CRYBB2: variants seen among roughly 807,000 people sequenced by gnomAD.
CRYBB2 encodes crystallin beta B2, also known as beta-crystallin B2.
A neutral mutation model predicts 24.3 loss-of-function variants in CRYBB2; 12 were observed. The observed-to-expected ratio is 0.49, with a 90% CI of 0.32 to 0.80. The LOEUF is 0.80. Among genes scored for constraint, CRYBB2 ranks in the 30% least tolerant of loss-of-function variants. CRYBB2 has a pLI of 0.04. For missense variants in CRYBB2, 198 were observed against 268.5 expected, an observed-to-expected ratio of 0.74 and a Z score of 1.83; for synonymous variants, 98 against 101.6, an observed-to-expected ratio of 0.96 and a Z score of 0.21.
chr22:25,217,427 C>T (rs2146082558), upstream of CRYBB2, among the ~76,000 whole-genome samples: 1 of 152,316 alleles, frequency 6.6e-6, no homozygotes, highest in African/African-American at 2.4e-5. Context: ...AAGTGATTCT[C>T]CTGCCTCAGC....
At chr22:25,217,478 C>T (rs4822580), upstream of CRYBB2, among the ~76,000 whole-genome samples, 68,934 of 151,864 alleles carry the variant, frequency 0.45, 16,307 homozygotes, top group East Asian at 0.83. Context: ...CCACCATGCC[C>T]GGCTAATTTT....
chr22:25,212,194 A>G (rs1935114660), upstream of CRYBB2, among the ~76,000 whole-genome samples: 1 of 152,250 alleles, frequency 6.6e-6, no homozygotes, highest in Admixed American at 6.5e-5. Context: ...TTCCAGACAC[A>G]GGATGCTGAA....
At chr22:25,230,963 C>T (rs1287135951) in intron 5 of CRYBB2, among the ~76,000 whole-genome samples, 3 of 152,016 alleles carry the variant, frequency 2.0e-5, no homozygotes, top group Admixed American at 6.6e-5. Flanking sequence ...GTGCAAAGGC[C>T]CTGTGGTGTG....
Position 25,227,795 on chromosome 22 carries a change from G to T in CRYBB2, c.174-58G>T, listed in dbSNP as rs550444264. 123 of 1,612,734 alleles carry T rather than the reference G, an allele frequency of 7.6e-5. 1 individual carries two copies. The South Asian group carries it at 1.3e-3, about 17-fold the overall frequency. ...GGTCAACATCAGTAGCCAGGATTCT[G>T]CCATAGGAAGCTTGGAGTGGAACTG... On this transcript the variant is annotated intron_variant, in intron 3 of 5. Coordinates refer to ENST00000398215, the MANE Select transcript of CRYBB2 (RefSeq NM_000496.3).
chr22:25,223,574 G>C (rs903357142), intron 2 of CRYBB2, among the ~76,000 whole-genome samples: 3 of 152,214 alleles, frequency 2.0e-5, no homozygotes, highest in African/African-American at 7.2e-5. Context: ...GGCCGAGTCA[G>C]TGACCGTAAA....
At chr22:25,223,869 T>C (rs9612893) in intron 2 of CRYBB2, among the ~76,000 whole-genome samples, 40,612 of 151,860 alleles carry the variant, frequency 0.27, 5,740 homozygotes, top group Middle Eastern at 0.34. Context: ...GCCTGTAATC[T>C]CAACACTTTG....
intron 3 of CRYBB2, among the ~76,000 whole-genome samples, chr22:25,227,000 A>G (rs557042240): frequency 2.0e-5 from 3 of 152,314 alleles, no homozygotes; most frequent in South Asian, 2.1e-4. Context: ...TTAAGGACCA[A>G]TTGCCTAAAG....
chr22:25,226,174 G>C (rs1466009973), intron 3 of CRYBB2, among the ~76,000 whole-genome samples: 514 of 38,818 alleles, frequency 0.013, 4 homozygotes, highest in African/African-American at 0.033. Flanking sequence ...TTCTCTGTGT[G>C]TGTGTGTGTG....
Position 25,224,997 on chromosome 22 carries a change from G to A in CRYBB2, c.134G>A (p.Gly45Asp). 1 of 1,613,082 alleles carries A rather than the reference G, an allele frequency of 6.2e-7. No individual in the cohort carries two copies. Among genetic ancestry groups the A allele is most frequent in the Non-Finnish European group, 8.5e-7 (1 of 1,178,990 alleles). Residue 45 changes from glycine to aspartate, a missense_variant, in exon 3 of 6, where the codon GGC (glycine) becomes GAC (aspartate). Coordinates refer to ENST00000398215, the MANE Select transcript of CRYBB2 (RefSeq NM_000496.3). ...NGPCPNLKET[G>D]VEKAGSVLVQ... ...CCCTGCCCCAACCTGAAGGAAACTG[G>A]CGTGGAGAAGGCAGGTTCTGTCCTA...
chr22:25,221,284 G>A, intron 1 of CRYBB2, 120 bp from the exon 2 acceptor site: 1 of 718,448 alleles, frequency 1.4e-6, no homozygotes, highest in South Asian at 1.5e-5. Context: ...CTCTGGGACA[G>A]TCTGAAACCA....
rs766707046 is a variant in CRYBB2, at chr22:25,221,421, C to T, written c.-9C>T. The T allele has an allele frequency of 6.2e-7, 1 of 1,612,848 alleles. No individual in the cohort carries two copies. The highest frequency in any genetic ancestry group is 8.5e-7 in the Non-Finnish European group (1 of 1,178,844). Reference sequence around the variant, plus strand: ...TCTTCCAGGTCATTCCTGCACAGGACAGTCCACCATGGCCTCAGATCACCA... The same window carrying T: ...TCTTCCAGGTCATTCCTGCACAGGATAGTCCACCATGGCCTCAGATCACCA... On this transcript the variant is annotated 5_prime_UTR_variant, in exon 2 of 6. Transcript: ENST00000398215.
upstream of CRYBB2, among the ~76,000 whole-genome samples, chr22:25,211,945 G>C (rs1935111668): frequency 6.6e-6 from 1 of 152,222 alleles, no homozygotes; most frequent in Non-Finnish European, 1.5e-5. Context: ...ACCACTCACT[G>C]TTTGCCTTTG....
At chr22:25,218,724 G>GAA (rs1569015882), upstream of CRYBB2, among the ~76,000 whole-genome samples, 15 of 116,876 alleles carry the variant, frequency 1.3e-4, no homozygotes, top group Admixed American at 4.6e-4. Flanking sequence ...GAGAGAGAGA[G>GAA]AGAGAGAGAG....
chr22:25,231,086 G>A (rs1361565632), intron 5 of CRYBB2, among the ~76,000 whole-genome samples: 2 of 152,192 alleles, frequency 1.3e-5, no homozygotes, highest in Non-Finnish European at 2.9e-5. Flanking sequence ...ACAGAAACTG[G>A]CCAGGCAGGT....
rs982002231 is a variant in CRYBB2, at chr22:25,221,409, T to C, written c.-21T>C. On this transcript the variant is annotated 5_prime_UTR_variant, in exon 2 of 6. Transcript: ENST00000398215. ...CTGCTTCCCATGTCTTCCAGGTCAT[T>C]CCTGCACAGGACAGTCCACCATGGC... The C allele has an allele frequency of 3.7e-6, 6 of 1,611,360 alleles. No homozygotes were observed. The highest frequency in any genetic ancestry group is 5.1e-6 in the Non-Finnish European group (6 of 1,177,526).
chr22:25,213,343 T>C (rs1398014966), intron 1 of CRYBB2: 1 of 152,104 alleles, frequency 6.6e-6, no homozygotes, highest in Non-Finnish European at 1.5e-5. Flanking sequence ...AGCAAGAAGA[T>C]GAAGTGGAGA....
chr22:25,221,112 G>A (rs1218225920), intron 1 of CRYBB2, among the ~76,000 whole-genome samples: 2 of 152,206 alleles, frequency 1.3e-5, no homozygotes, highest in Non-Finnish European at 2.9e-5. Context: ...ATTGTCTGGG[G>A]TTGAGTGTTG....
chr22:25,228,298 C>T (rs1279832423), intron 4 of CRYBB2, among the ~76,000 whole-genome samples: 4 of 147,758 alleles, frequency 2.7e-5, no homozygotes, highest in African/African-American at 7.6e-5. Context: ...ATGAAATGCT[C>T]CAGAGGGCAC....
rs2146092235 is a variant in CRYBB2, at chr22:25,227,936, C to T, written c.257C>T (p.Thr86Ile). 7 of 1,614,156 alleles carry T rather than the reference C, an allele frequency of 4.3e-6. No individual in the cohort carries two copies. Among genetic ancestry groups the T allele is most frequent in the Non-Finnish European group, 5.9e-6 (7 of 1,180,022 alleles). The change falls in exon 4 of 6, where the codon ACC becomes ATC. Residue 86 changes from threonine (T) to isoleucine (I), a missense_variant. Transcript: ENST00000398215. ...KGEYPRWDSW[T>I]SSRRTDSLSS... is the part of the protein sequence containing the mutation. Reference sequence around the variant, plus strand: ...GAGTACCCCCGCTGGGACTCATGGACCAGCAGCCGAAGGACGGACTCCCTC... The same window carrying T: ...GAGTACCCCCGCTGGGACTCATGGATCAGCAGCCGAAGGACGGACTCCCTC...
Sources: allele counts gnomAD v4.1 joint callset (sites outside exome capture counted in the v4.1 genomes callset), GRCh38; gene constraint gnomAD v4.1.1; transcripts MANE v1.5; gene names NCBI Gene and HGNC (gene_info 2026-07-23, HGNC 2026-07-21).